NOP16: variants seen among roughly 807,000 people sequenced by gnomAD.
The protein encoded by NOP16 is NOP16 nucleolar protein, also known as nucleolar protein 16.
In NOP16, 14 loss-of-function variants were observed where a neutral mutation model predicts 22.7. The observed-to-expected ratio is 0.62, with a 90% confidence interval of 0.41 to 0.97. The LOEUF is 0.97. Ranked by LOEUF, NOP16 falls within the 50% of genes least tolerant of loss-of-function variation. The pLI, the probability that NOP16 is intolerant of heterozygous loss-of-function variation, is 0.00. For missense variants in NOP16, 198 were observed against 235.9 expected, an observed-to-expected ratio of 0.84 and a Z score of 1.05; for synonymous variants, 80 against 83.6, an observed-to-expected ratio of 0.96 and a Z score of 0.23.
rs1308184558 is a variant in NOP16 at position 176,388,233 on chromosome 5, A to G, written c.216+2T>C. ...AGGACCGAGACCCTGCCATGTCAGT[A>G]CCTTTCTCTTACGGAGGGGCACCGC... On this transcript the variant is annotated splice_donor_variant, in intron 2 of 4. Coordinates refer to ENST00000614830, the MANE Select transcript of NOP16 (RefSeq NM_016391.8). LOFTEE classifies it high-confidence loss of function. 6.2e-7 allele frequency: 1 copy of G among 1,605,274 alleles called. No homozygotes were observed. Among genetic ancestry groups the G allele is most frequent in the Non-Finnish European group, 8.5e-7 (1 of 1,172,200 alleles).
rs1486635796 is a variant in NOP16, at chr5:176,388,362, A to ATCGCGGATCCGTCATC, written c.108-35_108-20dup. The ATCGCGGATCCGTCATC allele has an allele frequency of 4.3e-6, 7 of 1,613,402 alleles. No homozygotes were observed. In the East Asian group the frequency reaches 1.6e-4, roughly 36 times the overall value. ...GTGGGAGCTACCGGCAAAGAGAGACATCGCGGATCCGTCATCTCGCGGACC... is the reference window on the plus strand; with the variant it reads ...GTGGGAGCTACCGGCAAAGAGAGACATCGCGGATCCGTCATCTCGCGGATCCGTCATCTCGCGGACC... On this transcript the variant is annotated intron_variant, in intron 1 of 4. Coordinates refer to ENST00000614830, the MANE Select transcript of NOP16 (RefSeq NM_016391.8).
intron 4 of NOP16, 23 bp downstream of exon 4, chr5:176,385,198 C>A (rs375826402): frequency 9.5e-5 from 135 of 1,425,372 alleles, no homozygotes; most frequent in Non-Finnish European, 1.3e-4. Flanking sequence ...TCCCAGCCAG[C>A]CCACGGGGCC....
chr5:176,384,714 G>T, intron 4 of NOP16: 1 of 390,094 alleles, frequency 2.6e-6, no homozygotes, highest in Non-Finnish European at 4.6e-6. Flanking sequence ...AGGCTGCGGT[G>T]AGCCATGATC....
Position 176,383,966 on chromosome 5 carries a change from A to C in NOP16, c.*265T>G, listed in dbSNP as rs1425431926. On this transcript the variant is annotated 3_prime_UTR_variant, in exon 5 of 5. Coordinates refer to ENST00000614830, the MANE Select transcript of NOP16 (RefSeq NM_016391.8). ...AGAAGTAAAATATATTTGCTTTATT[A>C]TGTACACACTATATTTACATCACCC... The C allele has an allele frequency of 1.3e-6, 2 of 1,521,340 alleles. No individual in the cohort carries two copies. The highest frequency in any genetic ancestry group is 1.8e-6 in the Non-Finnish European group (2 of 1,141,714). The allele number at this position is 1,521,340 out of a possible 1,614,324, so 94.2% of individuals were successfully genotyped here.
At chr5:176,385,183 C>T (rs777705990) in intron 4 of NOP16, 38 bp downstream of exon 4, 20 of 1,179,516 alleles carry the variant, frequency 1.7e-5, no homozygotes, top group Admixed American at 1.7e-4. Context: ...TGGTCCAGGG[C>T]GCCTTCCCAG....
intron 3 of NOP16, 80 bp from the exon 4 acceptor site, chr5:176,385,407 A>C (rs1581406125): frequency 2.3e-4 from 189 of 810,438 alleles, no homozygotes; most frequent in East Asian, 6.8e-4. Flanking sequence ...TCACCCCTTC[A>C]CCCACTCCCA....
rs748648726 is a variant in NOP16, at chr5:176,388,548, C to G, written c.-9G>C. 7 of 1,604,470 alleles carry G rather than the reference C, an allele frequency of 4.4e-6. No homozygotes were observed. The highest frequency in any genetic ancestry group is 6.0e-6 in the Non-Finnish European group (7 of 1,172,384). ...CCCTTGGCCTTGGGCATCGCGCTGACCACCGCACCAGCAGCTCAAACACGC... is the reference window on the plus strand; with the variant it reads ...CCCTTGGCCTTGGGCATCGCGCTGAGCACCGCACCAGCAGCTCAAACACGC... On this transcript the variant is annotated 5_prime_UTR_variant, in exon 1 of 5. Transcript: ENST00000614830.
intron 2 of NOP16, among the ~76,000 whole-genome samples, chr5:176,387,958 ATAAAT>A (rs968784369): frequency 3.9e-5 from 6 of 152,188 alleles, no homozygotes; most frequent in South Asian, 2.1e-4. Context: ...GTAGAAAAAG[ATAAAT>A]TAAGGAAAAT....
chr5:176,387,073 TCTCTC>T (rs993927524), intron 2 of NOP16, 164 bp from the exon 3 acceptor site: 54 of 590,808 alleles, frequency 9.1e-5, no homozygotes, highest in African/African-American at 8.5e-4. Flanking sequence ...TTTCTCTCTC[TCTCTC>T]TTTTTTTTTT....
At position 176,384,447 on chromosome 5, in the gene NOP16, G is replaced by A. The variant is rs1337883935; in HGVS notation, c.394-73C>T. On this transcript the variant is annotated intron_variant, in intron 4 of 4. Transcript: ENST00000614830. The stretch of plus-strand genomic sequence containing the variant: ...CAAATCTGAACTCATCCTGAATTAG[G>A]CAAGCCACTTGCTATCTATCCCTGA... The A allele has an allele frequency of 4.8e-6, 7 of 1,454,656 alleles. No individual in the cohort carries two copies. In the Admixed American group the frequency reaches 7.8e-5, roughly 16 times the overall value. The allele number at this position is 1,454,656 out of a possible 1,614,324, so 90.1% of individuals were successfully genotyped here. A position where few individuals can be genotyped will look rare whatever the true frequency, so the allele number is the denominator to read the frequency against.
intron 4 of NOP16, 97 bp downstream of exon 4, chr5:176,385,124 G>A: frequency 2.6e-6 from 2 of 780,666 alleles, no homozygotes; most frequent in South Asian, 2.7e-5. Context: ...CCCTTTCTTT[G>A]CACTCGGTTT....
At chr5:176,386,766 G>A (rs774235020) in intron 3 of NOP16, 74 bp downstream of exon 3, 4 of 1,305,184 alleles carry the variant, frequency 3.1e-6, no homozygotes, top group South Asian at 1.2e-5. Flanking sequence ...TGCAAAATGA[G>A]GACATCTTAG....
chr5:176,388,149 T>A (rs1223482649), intron 2 of NOP16, 86 bp downstream of exon 2: 2 of 989,088 alleles, frequency 2.0e-6, no homozygotes, highest in African/African-American at 3.2e-5. Context: ...AGGGAAGGAA[T>A]GGGCAGTACC....
chr5:176,386,641 C>T (rs1561782927), intron 3 of NOP16, 199 bp downstream of exon 3: 1 of 676,940 alleles, frequency 1.5e-6, no homozygotes, highest in African/African-American at 1.8e-5. Flanking sequence ...TTAGTTCACA[C>T]AGTAAGGTCA....
In NOP16 at chr5:176,384,165, C is replaced by T. The variant is rs748124697; in HGVS notation, c.*66G>A. ...AGCCACACAGCACCTCCTTGCCTTA[C>T]ACCCTGGCTCCAGCTTCACTGGTCC... On this transcript the variant is annotated 3_prime_UTR_variant, in exon 5 of 5. Coordinates refer to ENST00000614830, the MANE Select transcript of NOP16 (RefSeq NM_016391.8). The T allele has an allele frequency of 6.6e-5, 106 of 1,613,858 alleles. No individual in the cohort carries two copies. Among genetic ancestry groups the T allele is most frequent in the Middle Eastern group, 1.6e-4 (1 of 6,084 alleles).
intron 3 of NOP16, among the ~76,000 whole-genome samples, chr5:176,385,778 G>A (rs765156345): frequency 2.6e-5 from 4 of 152,156 alleles, no homozygotes; most frequent in Admixed American, 6.5e-5. Flanking sequence ...TAGAGCTGCC[G>A]GGTCTGGGGC....
In NOP16 at chr5:176,384,004, G is replaced by C. The variant is rs749684816; in HGVS notation, c.*227C>G. 8 of 1,536,508 alleles carry C rather than the reference G, an allele frequency of 5.2e-6. No individual in the cohort carries two copies. The South Asian group carries it at 9.5e-5, about 18-fold the overall frequency. ...ATTTACATCACCCACCCTGAAAACA[G>C]CAGGTTCTGGCTTTTCCGTGAACCC... On this transcript the variant is annotated 3_prime_UTR_variant, in exon 5 of 5. Coordinates refer to ENST00000614830, the MANE Select transcript of NOP16 (RefSeq NM_016391.8).
chr5:176,384,707 C>G, intron 4 of NOP16: 1 of 394,626 alleles, frequency 2.5e-6, no homozygotes, highest in South Asian at 3.6e-5. Flanking sequence ...GAGGATGAGG[C>G]TGCGGTGAGC....
At chr5:176,387,806 G>A (rs927226362) in intron 2 of NOP16, among the ~76,000 whole-genome samples, 1 of 152,218 alleles carries the variant, frequency 6.6e-6, no homozygotes, top group Non-Finnish European at 1.5e-5. Flanking sequence ...GGACGCTGAG[G>A]TGGGATATAG....
Sources: gnomAD v4.1 joint callset for allele counts (sites outside exome capture counted in the v4.1 genomes callset) on GRCh38, gnomAD v4.1.1 for gene constraint, MANE v1.5 for transcripts, NCBI Gene and HGNC (gene_info 2026-07-23, HGNC 2026-07-21) for gene names.